The following ACAD11 variants were observed in gnomAD, a reference collection of about 807,000 sequenced individuals.
ACAD11 encodes acyl-Coenzyme A dehydrogenase family, member 11.
A neutral mutation model predicts 102.2 loss-of-function variants in ACAD11; 83 were observed. That is an observed-to-expected ratio of 0.81 (90% CI 0.68 to 0.97). The LOEUF (loss-of-function observed/expected upper bound fraction) is 0.97, where lower values mean the gene tolerates loss of function less well. ACAD11 is among the 50% of genes least tolerant of loss of function. The pLI is 0.00. For synonymous variants in ACAD11, 324 were observed against 319.8 expected, an observed-to-expected ratio of 1.01 and a Z score of -0.14; for missense variants, 901 against 951.7, an observed-to-expected ratio of 0.95 and a Z score of 0.70.
At chr3:132,587,984 G>A (rs1343489457) in intron 13 of ACAD11, among the ~76,000 whole-genome samples, 1 of 152,054 alleles carries the variant, frequency 6.6e-6, no homozygotes, top group Non-Finnish European at 1.5e-5. Flanking sequence ...CAGCAGTGAT[G>A]GTTGCCCTAG....
At chr3:132,599,246 G>A (rs1209781604) in intron 13 of ACAD11, among the ~76,000 whole-genome samples, 1 of 152,126 alleles carries the variant, frequency 6.6e-6, no homozygotes, top group Non-Finnish European at 1.5e-5. Context: ...GGTGGCTCAC[G>A]CCTGTAATCC....
intron 17 of ACAD11, among the ~76,000 whole-genome samples, chr3:132,570,312 G>A (rs1236468939): frequency 2.0e-5 from 3 of 151,992 alleles, no homozygotes; most frequent in Non-Finnish European, 2.9e-5. Context: ...TTACTGTTAA[G>A]CTAAACACAG....
intron 8 of ACAD11, 116 bp downstream of exon 8, chr3:132,628,224 C>T: frequency 1.9e-6 from 1 of 536,692 alleles, no homozygotes; most frequent in East Asian, 3.3e-5. Context: ...TTGTGATTGG[C>T]AGCAGCAATC....
intron 11 of ACAD11, among the ~76,000 whole-genome samples, chr3:132,609,770 T>A (rs1939034211): frequency 6.6e-6 from 1 of 152,110 alleles, no homozygotes; most frequent in Non-Finnish European, 1.5e-5. Flanking sequence ...CCTTCCTAAC[T>A]CGTTTTATGA....
At chr3:132,613,106 C>T (rs559539733) in intron 11 of ACAD11, among the ~76,000 whole-genome samples, 2,777 of 151,948 alleles carry the variant, frequency 0.018, 48 homozygotes, top group Non-Finnish European at 0.026. Context: ...AACCATCATT[C>T]TCAGCAAACT....
At chr3:132,624,756 G>A (rs540386863) in intron 9 of ACAD11, among the ~76,000 whole-genome samples, 10 of 151,422 alleles carry the variant, frequency 6.6e-5, no homozygotes, top group African/African-American at 1.9e-4. Context: ...GCGCAATCTC[G>A]GCTCCCTGCA....
In ACAD11 at chr3:132,584,461, G is replaced by A. The variant is rs532151408; in HGVS notation, c.1622-4903C>T. 9.2e-5 allele frequency among the ~76,000 whole-genome samples: 14 copies of A among 152,260 alleles called. No homozygotes were observed. The South Asian group carries it at 2.7e-3, about 29-fold the overall frequency. ...TTTGAGCCTATGTGTGTCTCTGCACGTGAGATGGGTTTCCTGAATACAGTA... is the reference window on the plus strand; with the variant it reads ...TTTGAGCCTATGTGTGTCTCTGCACATGAGATGGGTTTCCTGAATACAGTA... On this transcript the variant is annotated intron_variant, in intron 13 of 19. Coordinates refer to ENST00000264990, the MANE Select transcript of ACAD11 (RefSeq NM_032169.5).
intron 5 of ACAD11, among the ~76,000 whole-genome samples, chr3:132,633,380 T>C: frequency 6.6e-6 from 1 of 152,248 alleles, no homozygotes; most frequent in Non-Finnish European, 1.5e-5. Context: ...TTATGTTTAC[T>C]GATTTGCGTA....
chr3:132,589,429 T>G (rs1346306370), intron 13 of ACAD11, among the ~76,000 whole-genome samples: 1 of 152,238 alleles, frequency 6.6e-6, no homozygotes, highest in Non-Finnish European at 1.5e-5. Flanking sequence ...CAATCATGCT[T>G]TGATTCTTAG....
Position 132,603,979 on chromosome 3 carries a change from T to A in ACAD11, c.1523-652A>T, listed in dbSNP as rs555102085. On this transcript the variant is annotated intron_variant, in intron 12 of 19. Transcript: ENST00000264990. ...TCTGTTTCTAAAACTTAAGACTTAT[T>A]TTTTTTCTTTTTTAGAAAGAGGGCT... 1.6e-4 allele frequency among the ~76,000 whole-genome samples: 25 copies of A among 152,300 alleles called. No homozygotes were observed. In the East Asian group the frequency reaches 4.6e-3, roughly 28 times the overall value.
At chr3:132,608,528 A>AT (rs1217598584) in intron 11 of ACAD11, among the ~76,000 whole-genome samples, 5 of 152,310 alleles carry the variant, frequency 3.3e-5, no homozygotes, top group African/African-American at 1.2e-4. Context: ...ACCAACAAAG[A>AT]TAAAAAAAAG....
At chr3:132,649,735 G>C (rs1294084738) in intron 1 of ACAD11, 1 of 152,148 alleles carries the variant, frequency 6.6e-6, no homozygotes, top group African/African-American at 2.4e-5. Flanking sequence ...TCTTTTCTCA[G>C]TCTCTTGTCC....
chr3:132,643,307 G>A (rs147233484), intron 2 of ACAD11, among the ~76,000 whole-genome samples: 1 of 152,314 alleles, frequency 6.6e-6, no homozygotes, highest in East Asian at 1.9e-4. Flanking sequence ...TGTGTTTCCA[G>A]GGCAGGGGCA....
chr3:132,562,472 C>A (rs1374667573), intron 17 of ACAD11, among the ~76,000 whole-genome samples: 1 of 152,136 alleles, frequency 6.6e-6, no homozygotes, highest in Non-Finnish European at 1.5e-5. Context: ...AAGCAGATAG[C>A]AGGAGTAGAA....
chr3:132,623,071 C>T (rs1376554044), intron 9 of ACAD11, among the ~76,000 whole-genome samples: 1 of 151,908 alleles, frequency 6.6e-6, no homozygotes, highest in Non-Finnish European at 1.5e-5. Context: ...TAATATTTTC[C>T]AATTGGAAGA....
intron 11 of ACAD11, among the ~76,000 whole-genome samples, chr3:132,611,215 G>C (rs1018213173): frequency 6.6e-6 from 1 of 151,988 alleles, no homozygotes; most frequent in South Asian, 2.1e-4. Flanking sequence ...GTATCAATGG[G>C]ACGTATCTCA....
rs1255243033 is a variant in ACAD11, at chr3:132,603,308, A to G, written c.1542T>C (p.Ser514=). Residue 514 remains serine (S), a synonymous_variant, in exon 13 of 20, where the codon AGT becomes AGC. Coordinates refer to ENST00000264990, the MANE Select transcript of ACAD11 (RefSeq NM_032169.5). Reference sequence around the variant, plus strand: ...TGCTGCATTCAATATTCGTGGCATCACTTGAAGCTACATCAGGTTCTATAA... The same window carrying G: ...TGCTGCATTCAATATTCGTGGCATCGCTTGAAGCTACATCAGGTTCTATAA... ...FCMTEPDVAS[S]DATNIECSIQ... is the part of the protein sequence containing the mutation. The G allele has an allele frequency of 3.1e-6, 5 of 1,613,982 alleles. No homozygotes were observed. Among genetic ancestry groups the G allele is most frequent in the Non-Finnish European group, 2.5e-6 (3 of 1,179,872 alleles).
chr3:132,621,143 T>C (rs1274492772), intron 9 of ACAD11: 1 of 152,156 alleles, frequency 6.6e-6, no homozygotes, highest in Non-Finnish European at 1.5e-5. Flanking sequence ...CTTAAAAGTT[T>C]TCGGAACTGA....
chr3:132,563,757 A>G (rs1002413708), intron 17 of ACAD11, among the ~76,000 whole-genome samples: 1 of 152,036 alleles, frequency 6.6e-6, no homozygotes, highest in Non-Finnish European at 1.5e-5. Context: ...TTTTCCCCCA[A>G]CTACATGCAC....
Sources: allele counts gnomAD v4.1 joint callset (sites outside exome capture counted in the v4.1 genomes callset), GRCh38; gene constraint gnomAD v4.1.1; transcripts MANE v1.5; gene names NCBI Gene and HGNC (gene_info 2026-07-23, HGNC 2026-07-21).